The following TMEM140 variants were observed in gnomAD, a reference collection of about 807,000 sequenced individuals.
TMEM140 encodes transmembrane protein 140.
For synonymous variants in TMEM140, 107 were observed against 106.8 expected (o/e 1.00, Z -0.01); for missense variants, 236 against 228.5 (o/e 1.03, Z -0.21).
intron 1 of TMEM140, among the ~76,000 whole-genome samples, chr7:135,158,119 G>A: frequency 6.6e-6 from 1 of 152,162 alleles, no homozygotes; most frequent in East Asian, 1.9e-4. Context: ...AAGAAGGTGG[G>A]GCACAGCCCA....
intron 1 of TMEM140, among the ~76,000 whole-genome samples, chr7:135,154,357 A>G (rs1259291506): frequency 6.6e-6 from 1 of 151,936 alleles, no homozygotes; most frequent in African/African-American, 2.4e-5. Flanking sequence ...TCCCTGTTTC[A>G]TTTAGTTCTG....
At chr7:135,153,121 C>T (rs1299973819) in intron 1 of TMEM140, 1 of 152,000 alleles carries the variant, frequency 6.6e-6, no homozygotes, top group Non-Finnish European at 1.5e-5. Context: ...AAATTAAAAC[C>T]ACAATGAGAT....
At position 135,164,405 on chromosome 7, in the gene TMEM140, G is replaced by C. The variant is rs757426067; in HGVS notation, c.-24-13G>C. The C allele has an allele frequency of 1.3e-6, 2 of 1,570,152 alleles. No individual in the cohort carries two copies. Among genetic ancestry groups the C allele is most frequent in the African/African-American group, 1.3e-5 (1 of 74,364 alleles). On this transcript the variant is annotated splice_polypyrimidine_tract_variant and intron_variant, in intron 1 of 1. Coordinates refer to ENST00000275767, the MANE Select transcript of TMEM140 (RefSeq NM_018295.5). ...AAGGGAGAGATGGACTGACTGCTGT[G>C]ACTTCCCCGCAGGTCCCCCGGCAGA...
chr7:135,164,471 C>A lies in TMEM140; in HGVS notation c.30C>A (p.Asp10Glu), dbSNP rs1830030687. 3 of 1,599,930 alleles carry A rather than the reference C, an allele frequency of 1.9e-6. No homozygotes were observed. The highest frequency in any genetic ancestry group is 1.7e-5 in the Admixed American group (1 of 59,796). The change falls in exon 2 of 2, where the codon GAC becomes GAA. Residue 10 changes from aspartate to glutamate, a missense_variant. Transcript: ENST00000275767. ...CCGGCCCAAGGCCTCGGTGGCGCGA[C>A]CAGCTGCTGTTCATGAGCATCATAG... is the stretch of plus-strand genomic sequence containing the variant. MAGPRPRWR[D>E]QLLFMSIIVL... is the part of the protein sequence containing the mutation.
intron 1 of TMEM140, among the ~76,000 whole-genome samples, chr7:135,154,350 C>T (rs1358955416): frequency 6.6e-6 from 1 of 152,062 alleles, no homozygotes; most frequent in Non-Finnish European, 1.5e-5. Context: ...TTTTTTGTCC[C>T]TGTTTCATTT....
intron 1 of TMEM140, among the ~76,000 whole-genome samples, chr7:135,156,837 T>G (rs1041837836): frequency 9.2e-5 from 14 of 152,144 alleles, no homozygotes; most frequent in South Asian, 8.3e-4. Flanking sequence ...TTCCCACATG[T>G]TGTGAGAGGG....
chr7:135,154,047 T>C (rs10224167), intron 1 of TMEM140, among the ~76,000 whole-genome samples: 73,708 of 152,000 alleles, frequency 0.48, 18,237 homozygotes, highest in South Asian at 0.65. Flanking sequence ...TATTTCTTCC[T>C]GGTTCAATCT....
intron 1 of TMEM140, among the ~76,000 whole-genome samples, chr7:135,158,673 G>C (rs1427164387): frequency 6.6e-6 from 1 of 151,122 alleles, no homozygotes; most frequent in East Asian, 1.9e-4. Flanking sequence ...CCTGGGATCA[G>C]AGAGTGTCCC....
chr7:135,162,201 G>A lies in TMEM140; in HGVS notation c.-24-2217G>A, dbSNP rs1035641801. On this transcript the variant is annotated intron_variant, in intron 1 of 1. Transcript: ENST00000275767. ...TTCCAGTCAGCTCTGGGAAAGAGGA[G>A]GGAGCTGTTCCCCCAGAGGGGTCCC... 2.6e-5 allele frequency among the ~76,000 whole-genome samples: 4 copies of A among 152,206 alleles called. No homozygotes were observed. The East Asian group carries it at 5.8e-4, about 22-fold the overall frequency.
intron 1 of TMEM140, among the ~76,000 whole-genome samples, chr7:135,150,659 ACT>A (rs1829647068): frequency 6.6e-6 from 1 of 152,142 alleles, no homozygotes; most frequent in African/African-American, 2.4e-5. Flanking sequence ...TGATTCTCAA[ACT>A]CTGAATCTTG....
rs113586646 is a variant in TMEM140, at chr7:135,166,146, A to C, written c.*1147A>C. ...AGCTCATTGATAGACTCATGATGGA[A>C]ACTATTTTTGAAACAGGCTTCCTCC... On this transcript the variant is annotated 3_prime_UTR_variant, in exon 2 of 2. Coordinates refer to ENST00000275767, the MANE Select transcript of TMEM140 (RefSeq NM_018295.5). The C allele has an allele frequency of 0.017, 2,569 of 153,510 alleles. 69 individuals are homozygous for C. The highest frequency in any genetic ancestry group is 0.059 in the African/African-American group (2,434 of 41,578). 9.5% of individuals were successfully genotyped at this position (153,510 alleles called of 1,614,324 possible).
intron 1 of TMEM140, among the ~76,000 whole-genome samples, chr7:135,162,880 G>T (rs1220404309): frequency 3.3e-5 from 5 of 152,166 alleles, no homozygotes; most frequent in African/African-American, 2.4e-5. Context: ...GGAGTGAAAA[G>T]AATTTTTTAA....
At chr7:135,160,978 A>G (rs1829921884) in intron 1 of TMEM140, among the ~76,000 whole-genome samples, 1 of 152,222 alleles carries the variant, frequency 6.6e-6, no homozygotes, top group African/African-American at 2.4e-5. Flanking sequence ...ATGTATTCAT[A>G]CACAGCCTGA....
At chr7:135,148,865 C>A (rs1244382483) in intron 1 of TMEM140, among the ~76,000 whole-genome samples, 1 of 152,128 alleles carries the variant, frequency 6.6e-6, no homozygotes, top group African/African-American at 2.4e-5. Context: ...TATTTTAGTT[C>A]TCTTGATGCA....
Position 135,165,113 on chromosome 7 carries a change from T to A in TMEM140, c.*114T>A. On this transcript the variant is annotated 3_prime_UTR_variant, in exon 2 of 2. Transcript: ENST00000275767. ...CTCCAGCTCCAGCGATGGAACCCAC[T>A]ACAGAGGAGGTGGGGCCCCTGTGTC... The A allele has an allele frequency of 7.5e-7, 1 of 1,335,940 alleles. No homozygotes were observed. Among genetic ancestry groups the A allele is most frequent in the Non-Finnish European group, 1.0e-6 (1 of 991,954 alleles). The allele number at this position is 1,335,940 out of a possible 1,614,324, so 82.8% of individuals were successfully genotyped here.
At chr7:135,162,622 T>C (rs557294323) in intron 1 of TMEM140, among the ~76,000 whole-genome samples, 5 of 152,140 alleles carry the variant, frequency 3.3e-5, no homozygotes, top group African/African-American at 9.6e-5. Context: ...CCATCAGATA[T>C]CATGAGACTC....
At chr7:135,160,521 G>A (rs1040175747) in intron 1 of TMEM140, among the ~76,000 whole-genome samples, 4 of 152,196 alleles carry the variant, frequency 2.6e-5, no homozygotes, top group South Asian at 4.2e-4. Context: ...GGAAAGAAGC[G>A]AGGACTGACT....
At chr7:135,163,179 A>G (rs1331959972) in intron 1 of TMEM140, among the ~76,000 whole-genome samples, 1 of 152,250 alleles carries the variant, frequency 6.6e-6, no homozygotes, top group East Asian at 1.9e-4. Flanking sequence ...TTTTTGAAGA[A>G]TATTTAACAG....
chr7:135,159,618 G>C (rs1482194759), intron 1 of TMEM140, among the ~76,000 whole-genome samples: 1 of 152,216 alleles, frequency 6.6e-6, no homozygotes, highest in African/African-American at 2.4e-5. Context: ...AGAGGACCTA[G>C]TGCAGCAAAG....
Sources: allele counts gnomAD v4.1 joint callset (sites outside exome capture counted in the v4.1 genomes callset), GRCh38; gene constraint gnomAD v4.1.1; transcripts MANE v1.5; gene names NCBI Gene and HGNC (gene_info 2026-07-23, HGNC 2026-07-21).